The following LAPTM4B variants were observed in gnomAD, a reference collection of about 807,000 sequenced individuals.
LAPTM4B encodes lysosomal-associated transmembrane protein 4B.
LAPTM4B carries 26 observed loss-of-function variants against 28.5 expected under a neutral mutation model. That is an observed-to-expected ratio of 0.91 (90% CI 0.67 to 1.27). LAPTM4B has a LOEUF of 1.27. Ranked by LOEUF, LAPTM4B falls within the 50% of genes most tolerant of loss-of-function variation. LAPTM4B has a pLI of 0.00. For missense variants in LAPTM4B, 288 were observed against 285.8 expected, an observed-to-expected ratio of 1.01 and a Z score of -0.06; for synonymous variants, 109 against 106.4, an observed-to-expected ratio of 1.02 and a Z score of -0.15.
chr8:97,833,428 C>T (rs1454269629), intron 6 of LAPTM4B, among the ~76,000 whole-genome samples: 1 of 152,062 alleles, frequency 6.6e-6, no homozygotes, highest in Non-Finnish European at 1.5e-5. Flanking sequence ...TATTATTTTA[C>T]CTAAAATAAT....
At chr8:97,778,312 CTT>C (rs569574870) in intron 1 of LAPTM4B, among the ~76,000 whole-genome samples, 2 of 143,902 alleles carry the variant, frequency 1.4e-5, no homozygotes, top group African/African-American at 2.5e-5. Flanking sequence ...TCTTTTCTTT[CTT>C]TTTTTTTTTT....
chr8:97,803,683 A>G (rs529709958), intron 1 of LAPTM4B, among the ~76,000 whole-genome samples: 30 of 152,148 alleles, frequency 2.0e-4, no homozygotes, highest in African/African-American at 6.5e-4. Context: ...AGGTCTTACT[A>G]TGTTGCTCAG....
Position 97,851,412 on chromosome 8 carries a change from T to C in LAPTM4B, c.619T>C (p.Tyr207His), listed in dbSNP as rs1817521466. 4 of 1,613,968 alleles carry C rather than the reference T, an allele frequency of 2.5e-6. No individual in the cohort carries two copies. In the South Asian group the frequency reaches 4.4e-5, roughly 18 times the overall value. ...TTCTTCTCAGGTGCTGCTACCCCCG[T>C]ATGATGATGCCACTGTGAATGGTGC... ...SNDTTVLLPP[Y>H]DDATVNGAAK... The change falls in exon 7 of 7, where the codon TAT becomes CAT. Residue 207 changes from tyrosine to histidine, a missense_variant. By Grantham distance (83) the Tyr-to-His change is moderately conservative. Transcript: ENST00000521545.
At chr8:97,831,590 T>C (rs1312018382) in intron 6 of LAPTM4B, among the ~76,000 whole-genome samples, 1 of 152,084 alleles carries the variant, frequency 6.6e-6, no homozygotes, top group South Asian at 2.1e-4. Flanking sequence ...GAAGTGGTCA[T>C]GAAAGGAAGA....
chr8:97,851,449 C>T lies in LAPTM4B; in HGVS notation c.656C>T (p.Pro219Leu), dbSNP rs116542450. The change falls in exon 7 of 7, where the codon CCA becomes CTA. Residue 219 changes from proline (P) to leucine (L), a missense_variant. Coordinates refer to ENST00000521545, the MANE Select transcript of LAPTM4B (RefSeq NM_018407.6). ...ACTGTGAATGGTGCTGCCAAGGAGC[C>T]ACCGCCACCTTACGTGTCTGCCTAA... ...DATVNGAAKE[P>L]PPPYVSA 3.7e-3 allele frequency: 6,009 copies of T among 1,614,114 alleles called. 61 individuals are homozygous for T. Among genetic ancestry groups the T allele is most frequent in the African/African-American group, 0.032 (2,420 of 75,024 alleles).
chr8:97,780,680 G>A (rs1434760589), intron 1 of LAPTM4B, among the ~76,000 whole-genome samples: 1 of 152,142 alleles, frequency 6.6e-6, no homozygotes, highest in Non-Finnish European at 1.5e-5. Flanking sequence ...CTGAGGCTTA[G>A]AGAACTTTGG....
intron 5 of LAPTM4B, among the ~76,000 whole-genome samples, chr8:97,822,806 C>T (rs1315475908): frequency 1.3e-5 from 2 of 151,680 alleles, no homozygotes; most frequent in Non-Finnish European, 2.9e-5. Context: ...GGTGTCCATC[C>T]CCTTAAGCAT....
At chr8:97,803,221 C>T (rs1311866823) in intron 1 of LAPTM4B, among the ~76,000 whole-genome samples, 1 of 151,448 alleles carries the variant, frequency 6.6e-6, no homozygotes, top group African/African-American at 2.4e-5. Context: ...AAAAAAGTTA[C>T]TTCGAATCCT....
chr8:97,796,627 G>C (rs1346758352), intron 1 of LAPTM4B, among the ~76,000 whole-genome samples: 1 of 152,100 alleles, frequency 6.6e-6, no homozygotes, highest in African/African-American at 2.4e-5. Context: ...TTATACATGT[G>C]AGCACATTAC....
intron 2 of LAPTM4B, among the ~76,000 whole-genome samples, chr8:97,807,664 A>G (rs1055303326): frequency 1.3e-5 from 2 of 152,168 alleles, no homozygotes; most frequent in African/African-American, 2.4e-5. Flanking sequence ...TAAAAACTGA[A>G]TTTCTGTTAG....
chr8:97,842,106 G>C (rs946987894), intron 6 of LAPTM4B, among the ~76,000 whole-genome samples: 4 of 152,204 alleles, frequency 2.6e-5, no homozygotes, highest in Admixed American at 6.5e-5. Context: ...TTGACTTTCT[G>C]ATGAAGCTGG....
At chr8:97,782,940 T>TTATTTATTTATC (rs1816344745) in intron 1 of LAPTM4B, among the ~76,000 whole-genome samples, 1 of 149,324 alleles carries the variant, frequency 6.7e-6, no homozygotes, top group Non-Finnish European at 1.5e-5. Flanking sequence ...ATTTATTTAT[T>TTATTTATTTATC]TATTTATTTT....
chr8:97,831,134 A>G lies in LAPTM4B; in HGVS notation c.603+5981A>G, dbSNP rs543103989. 2.2e-4 allele frequency among the ~76,000 whole-genome samples: 34 copies of G among 152,286 alleles called. No homozygotes were observed. The South Asian group carries it at 2.3e-3, about 10-fold the overall frequency. ...CTACTTTTCCTGAGGATTGAGGATG[A>G]TAAGGGTCATGGAGATTCCACTGAA... On this transcript the variant is annotated intron_variant, in intron 6 of 6. Transcript: ENST00000521545.
Position 97,775,830 on chromosome 8 carries a change from G to A in LAPTM4B, c.-180G>A. 2 of 1,552,188 alleles carry A rather than the reference G, an allele frequency of 1.3e-6. No homozygotes were observed. Among genetic ancestry groups the A allele is most frequent in the Non-Finnish European group, 1.7e-6 (2 of 1,155,372 alleles). ...GGTCGCCTTCGGAGCGAAGGGTACC[G>A]ACCCGGCAGAAGCTCGGAGCTCTCG... On this transcript the variant is annotated 5_prime_UTR_variant, in exon 1 of 7. Transcript: ENST00000521545.
At position 97,790,159 on chromosome 8, in the gene LAPTM4B, T is replaced by C. The variant is rs906221596; in HGVS notation, c.99+14051T>C. ...TACAAATCTTGGCTATTGTGAATAGTGCTGCAGTAAAATGGGAGTGCAGCT... is the reference window on the plus strand; with the variant it reads ...TACAAATCTTGGCTATTGTGAATAGCGCTGCAGTAAAATGGGAGTGCAGCT... On this transcript the variant is annotated intron_variant, in intron 1 of 6. Transcript: ENST00000521545. 3.4e-5 allele frequency among the ~76,000 whole-genome samples: 5 copies of C among 148,038 alleles called. No homozygotes were observed. In the South Asian group the frequency reaches 8.7e-4, roughly 26 times the overall value.
chr8:97,827,687 G>A (rs190996126), intron 6 of LAPTM4B, among the ~76,000 whole-genome samples: 11 of 152,304 alleles, frequency 7.2e-5, no homozygotes, highest in East Asian at 1.9e-4. Context: ...GCATCTAAGC[G>A]AAGAGACAAC....
At chr8:97,846,046 G>C (rs1396798738) in intron 6 of LAPTM4B, among the ~76,000 whole-genome samples, 5 of 150,414 alleles carry the variant, frequency 3.3e-5, no homozygotes, top group East Asian at 2.0e-4. Flanking sequence ...GTAGAGACAG[G>C]GTCTTGCTAT....
intron 1 of LAPTM4B, among the ~76,000 whole-genome samples, chr8:97,801,442 A>G (rs913856329): frequency 6.6e-6 from 1 of 152,070 alleles, no homozygotes; most frequent in African/African-American, 2.4e-5. Context: ...TCGGCCTCCT[A>G]AAGTGCTAGG....
intron 1 of LAPTM4B, among the ~76,000 whole-genome samples, chr8:97,779,368 C>T (rs899636325): frequency 8.6e-5 from 13 of 152,000 alleles, no homozygotes; most frequent in African/African-American, 3.1e-4. Context: ...GCCTATAATC[C>T]CAGCTACTTG....
Sources: allele counts gnomAD v4.1 joint callset (sites outside exome capture counted in the v4.1 genomes callset), GRCh38; gene constraint gnomAD v4.1.1; transcripts MANE v1.5; gene names NCBI Gene and HGNC (gene_info 2026-07-23, HGNC 2026-07-21).